The following TLK1 variants were observed in gnomAD, a reference collection of about 807,000 sequenced individuals.
TLK1 encodes tousled like kinase 1.
Under a neutral mutation model 105.3 loss-of-function variants are expected in TLK1, and 24 were observed. The observed-to-expected ratio is 0.23, with a 90% CI of 0.17 to 0.32. The LOEUF (loss-of-function observed/expected upper bound fraction) is 0.32. Among genes scored for constraint, TLK1 ranks in the 10% least tolerant of loss-of-function variants. The pLI is 1.00. For missense variants in TLK1, 558 were observed against 910.5 expected (o/e 0.61, Z 4.98); for synonymous variants, 321 against 310.4 (o/e 1.03, Z -0.36).
chr2:171,087,916 C>A (rs1408477681), intron 2 of TLK1, among the ~76,000 whole-genome samples: 1 of 152,134 alleles, frequency 6.6e-6, no homozygotes, highest in African/African-American at 2.4e-5. Context: ...CTTTCTTGTT[C>A]TCAATTCTAA....
intron 10 of TLK1, 106 bp from the exon 11 acceptor site, chr2:171,046,468 C>T (rs1156269772): frequency 8.6e-6 from 11 of 1,279,560 alleles, no homozygotes; most frequent in East Asian, 7.5e-5. Context: ...AATATACATT[C>T]GTAACCTTTT....
chr2:171,001,877 T>A (rs894238536), intron 18 of TLK1, among the ~76,000 whole-genome samples: 7 of 151,824 alleles, frequency 4.6e-5, no homozygotes, highest in African/African-American at 1.5e-4. Context: ...GCCTACTGGG[T>A]TCAAGCAATT....
intron 11 of TLK1, chr2:171,045,714 T>C (rs1686930834): frequency 6.5e-6 from 1 of 152,692 alleles, no homozygotes; most frequent in South Asian, 2.1e-4. Context: ...TAAAGAATAA[T>C]TCATTAACAA....
intron 20 of TLK1, chr2:170,994,862 AG>A: frequency 2.9e-6 from 1 of 349,890 alleles, no homozygotes; most frequent in Non-Finnish European, 5.6e-6. Flanking sequence ...TTGGGGGGGG[AG>A]GGAACAGATA....
At chr2:171,198,496 C>T (rs1197215087) in intron 1 of TLK1, among the ~76,000 whole-genome samples, 1 of 151,984 alleles carries the variant, frequency 6.6e-6, no homozygotes, top group African/African-American at 2.4e-5. Flanking sequence ...GAAAAAAATC[C>T]AGGAATGAAT....
rs1683789839 is a variant in TLK1, at chr2:170,991,681, A to G, written c.*2099T>C. On this transcript the variant is annotated 3_prime_UTR_variant, in exon 21 of 21. Transcript: ENST00000431350. ...GTGATCTCTAGGTCTATACTACTTAACTTACTGAACCTCAAAGTTAGATTT... is the reference window on the plus strand; with the variant it reads ...GTGATCTCTAGGTCTATACTACTTAGCTTACTGAACCTCAAAGTTAGATTT... 3 of 152,202 alleles carry G rather than the reference A, an allele frequency of 2.0e-5. No individual in the cohort carries two copies. Among genetic ancestry groups the G allele is most frequent in the Non-Finnish European group, 4.4e-5 (3 of 68,030 alleles). The allele number at this position is 152,202 out of a possible 1,614,324, so 9.4% of individuals were successfully genotyped here.
At chr2:171,144,258 T>C (rs952863652) in intron 1 of TLK1, among the ~76,000 whole-genome samples, 1 of 152,102 alleles carries the variant, frequency 6.6e-6, no homozygotes. Context: ...CCACTTTCAA[T>C]AATGAATAGA....
Position 171,047,752 on chromosome 2 carries a change from G to T in TLK1, c.981-1390C>A, listed in dbSNP as rs191175205. 1.2e-3 allele frequency among the ~76,000 whole-genome samples: 177 copies of T among 152,124 alleles called. 1 individual carries two copies. Among genetic ancestry groups the T allele is most frequent in the African/African-American group, 4.0e-3 (168 of 41,516 alleles). Reference sequence around the variant, plus strand: ...ATTAATGGAAAGTAAAGAATTACTGGAATAGATATTAATAGCTGATTACTC... The same window carrying T: ...ATTAATGGAAAGTAAAGAATTACTGTAATAGATATTAATAGCTGATTACTC... On this transcript the variant is annotated intron_variant, in intron 10 of 20. Transcript: ENST00000431350.
intron 8 of TLK1, among the ~76,000 whole-genome samples, chr2:171,050,528 T>C (rs1687186998): frequency 1.3e-5 from 2 of 151,364 alleles, no homozygotes; most frequent in Non-Finnish European, 1.5e-5. Flanking sequence ...AAATATGGTA[T>C]ATAAAGTGTC....
chr2:171,109,352 G>C (rs1468711079), intron 2 of TLK1, among the ~76,000 whole-genome samples: 1 of 151,874 alleles, frequency 6.6e-6, no homozygotes, highest in Non-Finnish European at 1.5e-5. Context: ...GTGTTAAAAA[G>C]GAAACAAAGG....
chr2:171,112,400 C>T (rs972980146), intron 2 of TLK1, among the ~76,000 whole-genome samples: 1 of 152,128 alleles, frequency 6.6e-6, no homozygotes, highest in Non-Finnish European at 1.5e-5. Context: ...TGAAAAAAGA[C>T]TTTCATAAGT....
At chr2:171,003,814 G>GTACA in intron 18 of TLK1, among the ~76,000 whole-genome samples, 1 of 152,240 alleles carries the variant, frequency 6.6e-6, no homozygotes, top group East Asian at 1.9e-4. Flanking sequence ...ATAGCACCAG[G>GTACA]TACAGTCTGT....
At chr2:171,006,747 A>G in intron 16 of TLK1, 53 bp downstream of exon 16, 3 of 1,591,778 alleles carry the variant, frequency 1.9e-6, no homozygotes, top group Non-Finnish European at 2.6e-6. Flanking sequence ...AGGATGGGGA[A>G]AGAGAAAGCA....
intron 20 of TLK1, chr2:170,994,853 T>G (rs1464915493): frequency 1.7e-5 from 6 of 361,576 alleles, no homozygotes; most frequent in Non-Finnish European, 2.7e-5. Context: ...CATCCTTTTT[T>G]GGGGGGGGAG....
rs189100888 is a variant in TLK1, at chr2:171,090,774, A to G, written c.259-7922T>C. Among the ~76,000 whole-genome samples, 9 of 152,358 alleles carry G rather than the reference A, an allele frequency of 5.9e-5. No homozygotes were observed. In the East Asian group the frequency reaches 1.7e-3, roughly 29 times the overall value. On this transcript the variant is annotated intron_variant, in intron 2 of 20. Transcript: ENST00000431350. ...TAAAAATATCTTTCCTAGCTCCACT[A>G]TAACTCCACTTTATAAGGCTTTTTA...
intron 6 of TLK1, 30 bp downstream of exon 6, chr2:171,056,441 T>G (rs1226003969): frequency 3.1e-6 from 5 of 1,590,872 alleles, no homozygotes; most frequent in Non-Finnish European, 4.3e-6. Flanking sequence ...TCCCAAAGAC[T>G]ACACATGAAA....
At chr2:171,148,416 T>C (rs1472724219) in intron 1 of TLK1, among the ~76,000 whole-genome samples, 2 of 151,904 alleles carry the variant, frequency 1.3e-5, no homozygotes, top group Admixed American at 6.6e-5. Flanking sequence ...CTGCGTGACT[T>C]TGGGCATGCT....
intron 1 of TLK1, among the ~76,000 whole-genome samples, chr2:171,168,996 T>C (rs542442496): frequency 1.8e-4 from 28 of 152,088 alleles, no homozygotes; most frequent in Non-Finnish European, 3.5e-4. Context: ...GAGAATCGCT[T>C]GAACCTGGGA....
At chr2:171,072,272 G>T (rs1174719027) in intron 3 of TLK1, among the ~76,000 whole-genome samples, 2 of 152,034 alleles carry the variant, frequency 1.3e-5, no homozygotes, top group Non-Finnish European at 2.9e-5. Flanking sequence ...TCAATTTCTT[G>T]CATCAATGTT....
Sources: allele counts gnomAD v4.1 joint callset (sites outside exome capture counted in the v4.1 genomes callset), GRCh38; gene constraint gnomAD v4.1.1; transcripts MANE v1.5; gene names NCBI Gene and HGNC (gene_info 2026-07-23, HGNC 2026-07-21).